Variants in MTMR10 observed in about 807,000 individuals in gnomAD.
MTMR10 encodes the protein myotubularin related protein 10.
In MTMR10, 56 loss-of-function variants were observed where a neutral mutation model predicts 88.1. The observed-to-expected ratio is 0.64, with a 90% CI of 0.51 to 0.79. MTMR10 has a LOEUF of 0.79. Ranked by LOEUF, MTMR10 falls within the 30% of genes least tolerant of loss-of-function variation. The pLI is 0.00. For synonymous variants in MTMR10, 380 were observed against 340.9 expected (o/e 1.11, Z -1.26); for missense variants, 883 against 924.7 (o/e 0.95, Z 0.58).
chr15:30,949,997 ATT>A (rs1194741007), intron 12 of MTMR10: 1 of 152,230 alleles, frequency 6.6e-6, no homozygotes, highest in African/African-American at 2.4e-5. Context: ...GACTCTGTAT[ATT>A]TACTAAAATT....
downstream of MTMR10, among the ~76,000 whole-genome samples, chr15:30,935,939 G>T (rs1440783531): frequency 6.6e-6 from 1 of 151,596 alleles, no homozygotes; most frequent in African/African-American, 2.4e-5. Context: ...TGTGTGCCTG[G>T]GATTCATTGA....
chr15:30,983,908 G>A (rs2030757561), intron 2 of MTMR10, among the ~76,000 whole-genome samples: 1 of 152,218 alleles, frequency 6.6e-6, no homozygotes, highest in African/African-American at 2.4e-5. Flanking sequence ...CAAGTCCAGT[G>A]AGTAGCACTC....
chr15:30,944,585 T>A (rs11384744), intron 14 of MTMR10, among the ~76,000 whole-genome samples: 37,583 of 141,608 alleles, frequency 0.27, 5,374 homozygotes, highest in Non-Finnish European at 0.33. Flanking sequence ...AAAAAAAAAA[T>A]TTTAGTTACT....
intron 5 of MTMR10, among the ~76,000 whole-genome samples, chr15:30,971,250 A>G (rs1218611739): frequency 1.3e-5 from 2 of 152,196 alleles, no homozygotes; most frequent in Non-Finnish European, 2.9e-5. Flanking sequence ...ATTATGGCAA[A>G]TATTTTATTG....
the MTMR10 span, chr15:30,927,870 G>A: frequency 2.0e-6 from 2 of 985,686 alleles, no homozygotes; most frequent in Non-Finnish European, 2.4e-6. Flanking sequence ...CCCTGCCTCT[G>A]ACTCTGTGAC....
intron 5 of MTMR10, 90 bp from the exon 6 acceptor site, chr15:30,968,100 T>C (rs2063493202): frequency 2.2e-6 from 2 of 907,150 alleles, no homozygotes; most frequent in Admixed American, 2.5e-5. Flanking sequence ...GAGCATCATC[T>C]TGGGGCAGTG....
Position 30,941,047 on chromosome 15 carries a change from T to C in MTMR10, c.*423A>G. 2.5e-6 allele frequency: 3 copies of C among 1,179,990 alleles called. No homozygotes were observed. The highest frequency in any genetic ancestry group is 3.2e-6 in the Non-Finnish European group (3 of 939,384). The allele number at this position is 1,179,990 out of a possible 1,614,324, so 73.1% of individuals were successfully genotyped here. A position where few individuals can be genotyped will look rare whatever the true frequency, so the allele number is the denominator to read the frequency against. ...GAAAGTAACCAGAAAAATACATGAA[T>C]ACTTCCTAAAACCTGCTGGAGGTTT... On this transcript the variant is annotated 3_prime_UTR_variant, in exon 16 of 16. Transcript: ENST00000435680.
Position 30,991,468 on chromosome 15 carries a change from G to C in MTMR10, c.39C>G (p.Ser13=), listed in dbSNP as rs1461126839. The change falls in exon 1 of 16, where the codon TCC becomes TCG. Residue 13 remains serine, a synonymous_variant. Transcript: ENST00000435680. ...SLKPPKPTFR[S]YLLPPPQTDD... is the part of the protein sequence containing the mutation. Reference sequence around the variant, plus strand: ...TTACCTGGGGCGGTGGCAGGAGGTAGGACCTGAAGGTGGGTTTGGGCGGCT... The same window carrying C: ...TTACCTGGGGCGGTGGCAGGAGGTACGACCTGAAGGTGGGTTTGGGCGGCT... The C allele has an allele frequency of 1.3e-6, 2 of 1,511,084 alleles. No homozygotes were observed. The highest frequency in any genetic ancestry group is 1.5e-5 in the African/African-American group (1 of 67,962). The allele number at this position is 1,511,084 out of a possible 1,614,324, so 93.6% of individuals were successfully genotyped here. A position where few individuals can be genotyped will look rare whatever the true frequency, so the allele number is the denominator to read the frequency against.
Position 30,943,092 on chromosome 15 carries a change from A to G in MTMR10, c.1549-20T>C, listed in dbSNP as rs990198698. ...AAATTCCTGCAAAATAAATAAATAA[A>G]TATTTGCAAAACTAAAGATTCTCTC... On this transcript the variant is annotated intron_variant, in intron 14 of 15. Transcript: ENST00000435680. The G allele has an allele frequency of 6.5e-7, 1 of 1,529,010 alleles. No homozygotes were observed. The highest frequency in any genetic ancestry group is 8.8e-7 in the Non-Finnish European group (1 of 1,138,672). 94.7% of individuals were successfully genotyped at this position (1,529,010 alleles called of 1,614,324 possible). A position where few individuals can be genotyped will look rare whatever the true frequency, so the allele number is the denominator to read the frequency against.
At chr15:30,930,816 C>T in the MTMR10 span, 3 of 970,684 alleles carry the variant, frequency 3.1e-6, no homozygotes, top group Non-Finnish European at 4.7e-6. Context: ...TCCTGTGGGC[C>T]TGTCCCCTGC....
chr15:30,979,629 A>G (rs1285701605), intron 2 of MTMR10, among the ~76,000 whole-genome samples: 1 of 152,222 alleles, frequency 6.6e-6, no homozygotes, highest in Non-Finnish European at 1.5e-5. Context: ...AGCAGAAGTA[A>G]TAACAGGAAG....
chr15:30,952,108 TC>T, intron 11 of MTMR10, 70 bp from the exon 12 acceptor site: 1 of 1,272,772 alleles, frequency 7.9e-7, no homozygotes, highest in South Asian at 1.2e-5. Context: ...GTACTTGAAA[TC>T]AAGCAAATCT....
chr15:30,920,666 G>T, the MTMR10 span: 1 of 1,482,748 alleles, frequency 6.7e-7, no homozygotes, highest in Non-Finnish European at 9.3e-7. Context: ...TAGAGCACAG[G>T]TCCCTGCCCC....
At chr15:30,923,645 C>T in the MTMR10 span, among the ~76,000 whole-genome samples, 1 of 152,202 alleles carries the variant, frequency 6.6e-6, no homozygotes, top group Non-Finnish European at 1.5e-5. Context: ...GAGGTGGAGC[C>T]AGCTGGGCCC....
chr15:30,932,820 C>G, the MTMR10 span, among the ~76,000 whole-genome samples: 35 of 148,464 alleles, frequency 2.4e-4, no homozygotes, highest in African/African-American at 7.7e-4. Context: ...TCAAGTGATT[C>G]TCGTGCCTCA....
chr15:30,928,532 G>GTGTGTGTT, the MTMR10 span: 1 of 1,612,702 alleles, frequency 6.2e-7, no homozygotes, highest in South Asian at 1.1e-5. Flanking sequence ...GTGTGTGTGT[G>GTGTGTGTT]TGTGTGTGAC....
chr15:30,945,152 T>A (rs915067817), intron 14 of MTMR10, among the ~76,000 whole-genome samples: 1 of 152,102 alleles, frequency 6.6e-6, no homozygotes, highest in African/African-American at 2.4e-5. Flanking sequence ...GAAGAAATGC[T>A]TTGGGCTTTT....
At chr15:30,929,715 A>C in the MTMR10 span, among the ~76,000 whole-genome samples, 1 of 56,774 alleles carries the variant, frequency 1.8e-5, no homozygotes. Flanking sequence ...TATCATATAT[A>C]ATATATATAA....
chr15:30,922,880 TC>T, the MTMR10 span, among the ~76,000 whole-genome samples: 1 of 152,240 alleles, frequency 6.6e-6, no homozygotes, highest in Non-Finnish European at 1.5e-5. Flanking sequence ...GCACCAGTGC[TC>T]CCTGTGGTGG....
Sources: allele counts gnomAD v4.1 joint callset (sites outside exome capture counted in the v4.1 genomes callset), GRCh38; gene constraint gnomAD v4.1.1; transcripts MANE v1.5; gene names NCBI Gene and HGNC (gene_info 2026-07-23, HGNC 2026-07-21).